Variants in SPMIP2 observed in about 807,000 individuals in gnomAD.
SPMIP2 encodes the protein protein SPMIP2.
the SPMIP2 span, among the ~76,000 whole-genome samples, chr4:159,072,104 A>G: frequency 6.6e-6 from 1 of 152,200 alleles, no homozygotes; most frequent in South Asian, 2.1e-4. Flanking sequence ...CTTGGGCCCA[A>G]GGAGTTTGAG....
At chr4:158,951,384 C>G in the SPMIP2 span, among the ~76,000 whole-genome samples, 1 of 152,154 alleles carries the variant, frequency 6.6e-6, no homozygotes, top group Non-Finnish European at 1.5e-5. Context: ...TGTTACTGTA[C>G]TGAATATTGT....
At chr4:158,913,198 A>T in the SPMIP2 span, among the ~76,000 whole-genome samples, 1 of 152,194 alleles carries the variant, frequency 6.6e-6, no homozygotes, top group Non-Finnish European at 1.5e-5. Flanking sequence ...TCGTCAGTTA[A>T]TACTTTTTGT....
the SPMIP2 span, among the ~76,000 whole-genome samples, chr4:159,014,660 T>C: frequency 6.6e-6 from 1 of 152,204 alleles, no homozygotes; most frequent in Non-Finnish European, 1.5e-5. Context: ...CTGCATTTTA[T>C]GCTTTTTCTC....
chr4:158,914,837 G>A, the SPMIP2 span, among the ~76,000 whole-genome samples: 1 of 152,198 alleles, frequency 6.6e-6, no homozygotes, highest in Non-Finnish European at 1.5e-5. Flanking sequence ...GAGGTTTTGA[G>A]TGGAGTTACA....
the SPMIP2 span, among the ~76,000 whole-genome samples, chr4:158,983,035 G>A: frequency 6.6e-6 from 1 of 152,184 alleles, no homozygotes; most frequent in African/African-American, 2.4e-5. Context: ...AGGAGCCGAT[G>A]CGATCAACTG....
chr4:158,999,129 G>A, the SPMIP2 span, among the ~76,000 whole-genome samples: 1 of 151,024 alleles, frequency 6.6e-6, no homozygotes, highest in Non-Finnish European at 1.5e-5. Context: ...CCAAGATCGT[G>A]CCACTGCACT....
chr4:158,954,491 C>T, the SPMIP2 span, among the ~76,000 whole-genome samples: 1 of 152,194 alleles, frequency 6.6e-6, no homozygotes, highest in Non-Finnish European at 1.5e-5. Context: ...AAAGGAACTA[C>T]AAGAACACTG....
chr4:158,970,552 C>CA, the SPMIP2 span, among the ~76,000 whole-genome samples: 3 of 132,138 alleles, frequency 2.3e-5, no homozygotes, highest in African/African-American at 8.6e-5. Flanking sequence ...AAAAGAAAAA[C>CA]AAAAAAAAAA....
the SPMIP2 span, among the ~76,000 whole-genome samples, chr4:158,981,118 C>T: frequency 6.6e-6 from 1 of 151,916 alleles, no homozygotes; most frequent in African/African-American, 2.4e-5. Context: ...GATTGAAGAT[C>T]AACTGAATGA....
At chr4:159,076,568 A>G in the SPMIP2 span, among the ~76,000 whole-genome samples, 1 of 152,278 alleles carries the variant, frequency 6.6e-6, no homozygotes, top group African/African-American at 2.4e-5. Context: ...ACAATTTAAA[A>G]TATAGGAAAA....
chr4:158,972,350 A>G, the SPMIP2 span, among the ~76,000 whole-genome samples: 1 of 152,230 alleles, frequency 6.6e-6, no homozygotes, highest in Admixed American at 6.5e-5. Flanking sequence ...CGGCAGAGTG[A>G]GACCCTGTCT....
chr4:158,980,924 G>A, the SPMIP2 span, among the ~76,000 whole-genome samples: 7 of 152,168 alleles, frequency 4.6e-5, no homozygotes, highest in Non-Finnish European at 1.0e-4. Context: ...AGCTAAAGGA[G>A]CATGTTCTAA....
the SPMIP2 span, among the ~76,000 whole-genome samples, chr4:158,986,743 G>A: frequency 6.6e-6 from 1 of 152,092 alleles, no homozygotes; most frequent in African/African-American, 2.4e-5. Context: ...TGTCTAAAAT[G>A]CCAAAAGCAA....
the SPMIP2 span, among the ~76,000 whole-genome samples, chr4:158,923,373 A>G: frequency 6.6e-6 from 1 of 152,156 alleles, no homozygotes; most frequent in Non-Finnish European, 1.5e-5. Flanking sequence ...TAGTTAATGC[A>G]TATGTATTTC....
chr4:158,912,236 G>T, the SPMIP2 span, among the ~76,000 whole-genome samples: 1 of 152,064 alleles, frequency 6.6e-6, no homozygotes, highest in Non-Finnish European at 1.5e-5. Flanking sequence ...GAGCATTTTT[G>T]GGTAAATGTA....
At chr4:158,936,455 T>A in the SPMIP2 span, among the ~76,000 whole-genome samples, 1 of 152,240 alleles carries the variant, frequency 6.6e-6, no homozygotes, top group East Asian at 1.9e-4. Flanking sequence ...TGCCGTGACT[T>A]AAAAGCACGA....
the SPMIP2 span, among the ~76,000 whole-genome samples, chr4:158,984,877 C>A: frequency 6.6e-6 from 1 of 151,614 alleles, no homozygotes; most frequent in Non-Finnish European, 1.5e-5. Context: ...AAAACTGATA[C>A]ACCGCTAGCA....
chr4:158,932,350 C>T, the SPMIP2 span, among the ~76,000 whole-genome samples: 1 of 152,074 alleles, frequency 6.6e-6, no homozygotes, highest in Non-Finnish European at 1.5e-5. Flanking sequence ...CCTGTAATCC[C>T]AGCTACTTAG....
the SPMIP2 span, among the ~76,000 whole-genome samples, chr4:158,951,347 G>T: frequency 1.3e-5 from 2 of 152,156 alleles, no homozygotes; most frequent in Non-Finnish European, 2.9e-5. Context: ...ATAACCTATT[G>T]CTCCTAAGCT....
Sources: gnomAD v4.1 joint callset for allele counts (sites outside exome capture counted in the v4.1 genomes callset) on GRCh38, gnomAD v4.1.1 for gene constraint, MANE v1.5 for transcripts, NCBI Gene and HGNC (gene_info 2026-07-23, HGNC 2026-07-21) for gene names.